The following DNAJC5B variants were observed in gnomAD, a reference collection of about 807,000 sequenced individuals.
DNAJC5B encodes the protein dnaJ homolog subfamily C member 5B.
A neutral mutation model predicts 24.7 loss-of-function variants in DNAJC5B; 23 were observed. That is an observed-to-expected ratio of 0.93 (90% CI 0.67 to 1.32). The LOEUF (loss-of-function observed/expected upper bound fraction) is 1.32, where lower values mean the gene tolerates loss of function less well. DNAJC5B is among the 40% of genes most tolerant of loss of function. The probability of loss-of-function intolerance (pLI) is 0.00; values close to 1 mark genes in which losing one functional copy is unlikely to be tolerated. For synonymous variants in DNAJC5B, 101 were observed against 90.1 expected, an observed-to-expected ratio of 1.12 and a Z score of -0.68; for missense variants, 238 against 240.8, an observed-to-expected ratio of 0.99 and a Z score of 0.08.
chr8:66,075,250 T>C (rs1434199382), intron 3 of DNAJC5B, among the ~76,000 whole-genome samples: 1 of 152,026 alleles, frequency 6.6e-6, no homozygotes, highest in Non-Finnish European at 1.5e-5. Flanking sequence ...GAGATGGGCA[T>C]GTTGACGAGG....
chr8:66,072,248 C>T (rs188556674), intron 3 of DNAJC5B, among the ~76,000 whole-genome samples: 1 of 152,026 alleles, frequency 6.6e-6, no homozygotes, highest in Non-Finnish European at 1.5e-5. Flanking sequence ...TTATGGGCTT[C>T]TAAAACACAT....
intron 4 of DNAJC5B, among the ~76,000 whole-genome samples, chr8:66,079,057 G>C (rs746814213): frequency 1.3e-5 from 2 of 152,028 alleles, no homozygotes; most frequent in Non-Finnish European, 2.9e-5. Context: ...AATTGATTTT[G>C]CTCAATTCAC....
chr8:66,019,394 G>T, upstream of DNAJC5B, among the ~76,000 whole-genome samples: 1 of 152,148 alleles, frequency 6.6e-6, no homozygotes, highest in East Asian at 1.9e-4. Flanking sequence ...TGAAAAAAGA[G>T]ATTTTTTAAT....
At chr8:66,086,100 C>T (rs571682603) in intron 5 of DNAJC5B, among the ~76,000 whole-genome samples, 2 of 152,268 alleles carry the variant, frequency 1.3e-5, no homozygotes, top group South Asian at 4.1e-4. Context: ...TTGTTCATTG[C>T]AAGTATTTAC....
chr8:66,029,709 G>A (rs773047719), intron 1 of DNAJC5B, among the ~76,000 whole-genome samples: 1 of 152,144 alleles, frequency 6.6e-6, no homozygotes, highest in Non-Finnish European at 1.5e-5. Context: ...CTGGTTAATT[G>A]ATCGGCCTGG....
chr8:66,090,177 T>A (rs76295961), intron 5 of DNAJC5B, among the ~76,000 whole-genome samples: 319 of 152,106 alleles, frequency 2.1e-3, no homozygotes, highest in African/African-American at 7.3e-3. Flanking sequence ...CTATGAGGGC[T>A]TTACAGACCA....
chr8:66,082,829 T>G (rs1320669536), intron 5 of DNAJC5B, among the ~76,000 whole-genome samples: 1 of 152,048 alleles, frequency 6.6e-6, no homozygotes, highest in Non-Finnish European at 1.5e-5. Flanking sequence ...ATTGCAAGGC[T>G]TAAATACTTA....
chr8:66,088,220 G>T (rs76179054), intron 5 of DNAJC5B, among the ~76,000 whole-genome samples: 1,993 of 152,346 alleles, frequency 0.013, 65 homozygotes, highest in African/African-American at 0.045. Flanking sequence ...AATAGCCTTA[G>T]CTGTACCTTG....
At chr8:66,078,507 G>A (rs1807520967) in intron 4 of DNAJC5B, among the ~76,000 whole-genome samples, 1 of 152,066 alleles carries the variant, frequency 6.6e-6, no homozygotes, top group Non-Finnish European at 1.5e-5. Context: ...AAACAATCAA[G>A]TTGGAATAAA....
intron 1 of DNAJC5B, among the ~76,000 whole-genome samples, chr8:66,035,635 C>T (rs1045362625): frequency 3.9e-5 from 6 of 152,166 alleles, no homozygotes; most frequent in Non-Finnish European, 7.3e-5. Context: ...CCTCAGAGCT[C>T]CAGAAACAAC....
At chr8:66,055,764 A>G (rs183505988) in intron 3 of DNAJC5B, among the ~76,000 whole-genome samples, 329 of 152,234 alleles carry the variant, frequency 2.2e-3, no homozygotes, top group African/African-American at 7.1e-3. Context: ...CAAACATGGG[A>G]AACCCCATCT....
At chr8:66,083,143 A>G (rs1269695563) in intron 5 of DNAJC5B, among the ~76,000 whole-genome samples, 1 of 150,770 alleles carries the variant, frequency 6.6e-6, no homozygotes, top group Non-Finnish European at 1.5e-5. Flanking sequence ...TCCCGAGTAG[A>G]TGGGACTACA....
At chr8:66,065,359 G>A (rs911155130) in intron 3 of DNAJC5B, among the ~76,000 whole-genome samples, 9 of 152,228 alleles carry the variant, frequency 5.9e-5, no homozygotes, top group African/African-American at 2.2e-4. Flanking sequence ...TGTCCTCAGT[G>A]GGGCCTTGCT....
upstream of DNAJC5B, among the ~76,000 whole-genome samples, chr8:66,020,821 A>G (rs1323245848): frequency 6.6e-6 from 1 of 152,078 alleles, no homozygotes; most frequent in Non-Finnish European, 1.5e-5. Context: ...TATTTTTTGT[A>G]GAGATAGGGT....
At chr8:66,071,801 A>C (rs532828537) in intron 3 of DNAJC5B, among the ~76,000 whole-genome samples, 1 of 152,328 alleles carries the variant, frequency 6.6e-6, no homozygotes, top group South Asian at 2.1e-4. Context: ...AGCCAACCAA[A>C]ATGTCCATCA....
upstream of DNAJC5B, among the ~76,000 whole-genome samples, chr8:66,020,466 G>A (rs1405062519): frequency 3.3e-5 from 5 of 152,108 alleles, no homozygotes; most frequent in South Asian, 4.1e-4. Flanking sequence ...TGGGGTTAGC[G>A]TCTAGAAAAA....
At chr8:66,028,815 G>A (rs897250030) in intron 1 of DNAJC5B, among the ~76,000 whole-genome samples, 21 of 152,112 alleles carry the variant, frequency 1.4e-4, no homozygotes, top group African/African-American at 4.6e-4. Context: ...CGTTGGCCAC[G>A]CCTTTCTAAA....
chr8:66,020,838 A>G (rs972778114), upstream of DNAJC5B, among the ~76,000 whole-genome samples: 27 of 152,216 alleles, frequency 1.8e-4, 1 homozygote, highest in African/African-American at 5.8e-4. Flanking sequence ...GGGTCTCACT[A>G]TATAGCTCGG....
intron 1 of DNAJC5B, among the ~76,000 whole-genome samples, chr8:66,033,508 C>G (rs1806405510): frequency 6.6e-6 from 1 of 152,210 alleles, no homozygotes; most frequent in Non-Finnish European, 1.5e-5. Flanking sequence ...TGGATCCACC[C>G]AGCGGATTCT....
Sources: gnomAD v4.1 joint callset for allele counts (sites outside exome capture counted in the v4.1 genomes callset) on GRCh38, gnomAD v4.1.1 for gene constraint, MANE v1.5 for transcripts, NCBI Gene and HGNC (gene_info 2026-07-23, HGNC 2026-07-21) for gene names.